The following SPIRE1 variants were observed in gnomAD, a reference collection of about 807,000 sequenced individuals.
SPIRE1 encodes protein spire homolog 1.
In SPIRE1, 40 loss-of-function variants were observed where a neutral mutation model predicts 94.1. That is an observed-to-expected ratio of 0.43 (90% CI 0.33 to 0.55). The LOEUF (loss-of-function observed/expected upper bound fraction) is 0.55, where lower values mean the gene tolerates loss of function less well. Ranked by LOEUF, SPIRE1 falls within the 20% of genes least tolerant of loss-of-function variation. The pLI, the probability that SPIRE1 is intolerant of heterozygous loss-of-function variation, is 0.06. For missense variants in SPIRE1, 838 were observed against 975.2 expected (o/e 0.86, Z 1.87); for synonymous variants, 376 against 371.7 (o/e 1.01, Z -0.13).
chr18:12,592,057 A>G (rs2036551936), intron 2 of SPIRE1, among the ~76,000 whole-genome samples: 1 of 151,796 alleles, frequency 6.6e-6, no homozygotes, highest in Non-Finnish European at 1.5e-5. Flanking sequence ...TTCCATTGAT[A>G]TCTAAGTGCA....
intron 3 of SPIRE1, among the ~76,000 whole-genome samples, chr18:12,537,077 T>C (rs1266463850): frequency 6.6e-6 from 1 of 152,174 alleles, no homozygotes; most frequent in East Asian, 1.9e-4. Context: ...ACAAAATACA[T>C]TCTCAAGAAA....
intron 8 of SPIRE1, among the ~76,000 whole-genome samples, chr18:12,489,620 C>G (rs938524303): frequency 6.6e-6 from 1 of 151,984 alleles, no homozygotes; most frequent in Non-Finnish European, 1.5e-5. Flanking sequence ...TTCAGACTTA[C>G]TAGGAAAAAA....
intron 10 of SPIRE1, among the ~76,000 whole-genome samples, chr18:12,468,585 G>T (rs184867001): frequency 3.9e-5 from 6 of 152,260 alleles, no homozygotes; most frequent in Non-Finnish European, 8.8e-5. Context: ...ATCCTTTGAA[G>T]AAGCAAAGCA....
intron 10 of SPIRE1, among the ~76,000 whole-genome samples, chr18:12,475,493 G>A (rs1381449202): frequency 6.6e-6 from 1 of 151,382 alleles, no homozygotes; most frequent in Non-Finnish European, 1.5e-5. Flanking sequence ...TATTTGAATG[G>A]AAAAAATGGA....
chr18:12,585,938 A>G (rs2036381738), intron 2 of SPIRE1, among the ~76,000 whole-genome samples: 1 of 152,132 alleles, frequency 6.6e-6, no homozygotes, highest in Non-Finnish European at 1.5e-5. Flanking sequence ...CATTTGTTAT[A>G]TATGTATGCA....
chr18:12,604,269 A>C (rs2155698), intron 2 of SPIRE1, among the ~76,000 whole-genome samples: 85,004 of 151,620 alleles, frequency 0.56, 25,013 homozygotes, highest in Middle Eastern at 0.76. Flanking sequence ...GAGGCTGAGC[A>C]CTCTCACCCT....
At chr18:12,654,336 CAAAAA>C (rs199897679) in intron 1 of SPIRE1, among the ~76,000 whole-genome samples, 1 of 98,996 alleles carries the variant, frequency 1.0e-5, no homozygotes, top group African/African-American at 4.1e-5. Context: ...GACTCCACCT[CAAAAA>C]AAAAAAAAAA....
At chr18:12,611,413 T>A (rs1164164264) in intron 2 of SPIRE1, among the ~76,000 whole-genome samples, 1 of 152,200 alleles carries the variant, frequency 6.6e-6, no homozygotes, top group Non-Finnish European at 1.5e-5. Context: ...TAAGCACTCC[T>A]ATGGAGAAGA....
chr18:12,657,331 C>T (rs941089165), intron 1 of SPIRE1, among the ~76,000 whole-genome samples, 199 bp downstream of exon 1: 3 of 149,900 alleles, frequency 2.0e-5, no homozygotes, highest in Admixed American at 6.6e-5. Flanking sequence ...CGCCACGAGG[C>T]TCTGACCTCC....
intron 1 of SPIRE1, among the ~76,000 whole-genome samples, chr18:12,638,808 C>T (rs949013810): frequency 2.0e-5 from 3 of 152,134 alleles, no homozygotes; most frequent in Non-Finnish European, 4.4e-5. Flanking sequence ...GCACCTCCTC[C>T]TTCCCTCTTT....
chr18:12,596,084 T>C (rs965993909), intron 2 of SPIRE1, among the ~76,000 whole-genome samples: 2 of 152,266 alleles, frequency 1.3e-5, no homozygotes, highest in Admixed American at 1.3e-4. Context: ...GGTCTACTCC[T>C]GTTCTTTAGC....
intron 4 of SPIRE1, among the ~76,000 whole-genome samples, chr18:12,512,775 CTTTTTTT>C (rs35531986): frequency 7.8e-5 from 11 of 140,314 alleles, no homozygotes; most frequent in South Asian, 2.3e-4. Flanking sequence ...CTTTCTTTTT[CTTTTTTT>C]TTTTTTTTTT....
chr18:12,653,907 T>C (rs903415368), intron 1 of SPIRE1, among the ~76,000 whole-genome samples: 11 of 149,788 alleles, frequency 7.3e-5, no homozygotes, highest in East Asian at 2.0e-4. Context: ...GATTGCGCCA[T>C]TGCACTCCAG....
chr18:12,654,464 G>C (rs574627969), intron 1 of SPIRE1, among the ~76,000 whole-genome samples: 69 of 151,162 alleles, frequency 4.6e-4, no homozygotes, highest in Non-Finnish European at 9.4e-4. Flanking sequence ...GGCTAACATG[G>C]TGAAACCCCG....
rs185720868 is a variant in SPIRE1, at chr18:12,618,934, G to T, written c.372+16128C>A. ...AGTTTTGCTCTTGTTGCCCAGGCTG[G>T]AGTGCAATGGTGCGATCTCGGCTCA... On this transcript the variant is annotated intron_variant, in intron 2 of 16. Coordinates refer to ENST00000409402, the MANE Select transcript of SPIRE1 (RefSeq NM_001128626.2). Among the ~76,000 whole-genome samples the T allele has an allele frequency of 6.6e-3, 1,006 of 152,096 alleles. 10 individuals are homozygous for T. Among genetic ancestry groups the T allele is most frequent in the African/African-American group, 0.022 (925 of 41,482 alleles).
chr18:12,588,341 G>T (rs983400433), intron 2 of SPIRE1: 1 of 152,218 alleles, frequency 6.6e-6, no homozygotes, highest in African/African-American at 2.4e-5. Flanking sequence ...ATTCACTATA[G>T]TAAGTCTTAT....
chr18:12,455,068 T>G (rs2031447637), intron 12 of SPIRE1, among the ~76,000 whole-genome samples: 1 of 152,124 alleles, frequency 6.6e-6, no homozygotes, highest in Non-Finnish European at 1.5e-5. Context: ...CCCAAGTAGC[T>G]GGGACTACAG....
chr18:12,588,595 T>C (rs2036447852), intron 2 of SPIRE1, among the ~76,000 whole-genome samples: 3 of 130,204 alleles, frequency 2.3e-5, no homozygotes, highest in Admixed American at 1.9e-4. Flanking sequence ...ATGCTCTCCT[T>C]GTCTCACTTT....
rs537171575 is a variant in SPIRE1 at position 12,580,073 on chromosome 18, G to A, written c.373-33169C>T. Reference sequence around the variant, plus strand: ...GTGGGTCTTGGTGAAAACATGATAAGAGGAAGTAGAAACAGGATAGAAACA... The same window carrying A: ...GTGGGTCTTGGTGAAAACATGATAAAAGGAAGTAGAAACAGGATAGAAACA... On this transcript the variant is annotated intron_variant, in intron 2 of 16. Transcript: ENST00000409402. 5.9e-5 allele frequency among the ~76,000 whole-genome samples: 9 copies of A among 152,284 alleles called. No individual in the cohort carries two copies. In the East Asian group the frequency reaches 1.7e-3, roughly 29 times the overall value.
Sources: allele counts gnomAD v4.1 joint callset (sites outside exome capture counted in the v4.1 genomes callset), GRCh38; gene constraint gnomAD v4.1.1; transcripts MANE v1.5; gene names NCBI Gene and HGNC (gene_info 2026-07-23, HGNC 2026-07-21).